CDIN1: variants seen among roughly 807,000 people sequenced by gnomAD.
The protein encoded by CDIN1 is CDAN1-interacting nuclease 1.
CDIN1 carries 33 observed loss-of-function variants against 45.3 expected under a neutral mutation model. The ratio of observed to expected loss-of-function variants is 0.73; its 90% CI spans 0.55 to 0.97. The LOEUF is 0.97. CDIN1 is among the 50% of genes least tolerant of loss of function. CDIN1 has a pLI of 0.00. For synonymous variants in CDIN1, 118 were observed against 124.4 expected (o/e 0.95, Z 0.34); for missense variants, 303 against 339.4 (o/e 0.89, Z 0.84).
intron 7 of CDIN1, among the ~76,000 whole-genome samples, chr15:36,693,466 T>A (rs1202344750): frequency 1.3e-5 from 2 of 152,210 alleles, no homozygotes; most frequent in Admixed American, 1.3e-4. Context: ...TGAGAAAGTT[T>A]AGCACATTCA....
At chr15:36,586,683 C>T (rs927354294) in intron 1 of CDIN1, among the ~76,000 whole-genome samples, 1 of 152,148 alleles carries the variant, frequency 6.6e-6, no homozygotes, top group African/African-American at 2.4e-5. Context: ...TTTGAAGTTA[C>T]AGTGCATTAT....
At chr15:36,774,494 A>G (rs1311694682) in intron 10 of CDIN1, among the ~76,000 whole-genome samples, 2 of 148,786 alleles carry the variant, frequency 1.3e-5, no homozygotes, top group Non-Finnish European at 3.0e-5. Flanking sequence ...TCATTTAGCA[A>G]AAAAAAAAAA....
intron 10 of CDIN1, among the ~76,000 whole-genome samples, chr15:36,791,763 T>C (rs955317808): frequency 6.6e-6 from 1 of 152,134 alleles, no homozygotes; most frequent in African/African-American, 2.4e-5. Context: ...CGATGTGTTT[T>C]AGCAGTGGTC....
intron 10 of CDIN1, among the ~76,000 whole-genome samples, chr15:36,765,775 G>A (rs776924233): frequency 6.6e-6 from 1 of 152,032 alleles, no homozygotes; most frequent in Non-Finnish European, 1.5e-5. Context: ...ATACAATTTG[G>A]TGAGTTTGGA....
At chr15:36,744,082 A>G (rs914304289) in intron 10 of CDIN1, among the ~76,000 whole-genome samples, 1 of 151,874 alleles carries the variant, frequency 6.6e-6, no homozygotes, top group Non-Finnish European at 1.5e-5. Flanking sequence ...CTGACTTTGC[A>G]AACATTTTTT....
chr15:36,644,760 A>G (rs564476864), intron 2 of CDIN1, among the ~76,000 whole-genome samples: 3 of 152,218 alleles, frequency 2.0e-5, no homozygotes, highest in Admixed American at 2.0e-4. Context: ...GCAAGTCTCT[A>G]TGGAATTACT....
At chr15:36,619,469 T>TTCTATCTA (rs58603040) in intron 1 of CDIN1, among the ~76,000 whole-genome samples, 3,528 of 147,122 alleles carry the variant, frequency 0.024, 39 homozygotes, top group East Asian at 0.026. Context: ...GCTGGAGGAT[T>TTCTATCTA]TCTATCTATC....
intron 5 of CDIN1, among the ~76,000 whole-genome samples, chr15:36,686,025 A>G (rs1050640592): frequency 5.4e-4 from 82 of 151,860 alleles, no homozygotes; most frequent in African/African-American, 1.7e-3. Context: ...ATCTAGAACT[A>G]GAAATACCAT....
At chr15:36,768,507 C>T (rs1174593136) in intron 10 of CDIN1, among the ~76,000 whole-genome samples, 1 of 151,258 alleles carries the variant, frequency 6.6e-6, no homozygotes, top group Non-Finnish European at 1.5e-5. Flanking sequence ...TAGCTTTTCC[C>T]CTTCAACTTC....
intron 10 of CDIN1, among the ~76,000 whole-genome samples, chr15:36,784,299 G>A (rs1042055238): frequency 6.6e-6 from 1 of 152,186 alleles, no homozygotes; most frequent in Admixed American, 6.5e-5. Flanking sequence ...GGGAGGAAGT[G>A]GAGGAGGATC....
At chr15:36,714,134 G>A (rs1484169036) in intron 10 of CDIN1, among the ~76,000 whole-genome samples, 1 of 152,128 alleles carries the variant, frequency 6.6e-6, no homozygotes, top group Non-Finnish European at 1.5e-5. Flanking sequence ...TCGAAGTATA[G>A]TGAGGAAAAT....
chr15:36,799,222 G>C (rs1317431999), intron 10 of CDIN1: 1 of 81,954 alleles, frequency 1.2e-5, no homozygotes, highest in African/African-American at 3.6e-5. Flanking sequence ...GTGTTCTCTC[G>C]TTTTAGTACT....
intron 10 of CDIN1, among the ~76,000 whole-genome samples, chr15:36,746,519 T>C (rs1268196961): frequency 6.6e-6 from 1 of 152,136 alleles, no homozygotes; most frequent in Non-Finnish European, 1.5e-5. Flanking sequence ...GTCCAACTTA[T>C]TTGCACCAGG....
chr15:36,727,147 G>A (rs991523604), intron 10 of CDIN1, among the ~76,000 whole-genome samples: 1 of 152,014 alleles, frequency 6.6e-6, no homozygotes. Flanking sequence ...CAAAGACCCA[G>A]CTGAAGCATT....
chr15:36,594,122 C>T (rs1285020095), intron 1 of CDIN1, among the ~76,000 whole-genome samples: 2 of 152,130 alleles, frequency 1.3e-5, no homozygotes, highest in Admixed American at 6.5e-5. Context: ...AGTAATTTTT[C>T]TCCTTTAGTT....
intron 10 of CDIN1, among the ~76,000 whole-genome samples, chr15:36,729,724 C>T (rs1463947086): frequency 6.6e-6 from 1 of 152,108 alleles, no homozygotes; most frequent in Non-Finnish European, 1.5e-5. Flanking sequence ...AGTTGTCCTT[C>T]CCCCACTATT....
intron 3 of CDIN1, among the ~76,000 whole-genome samples, chr15:36,649,700 T>A (rs929420597): frequency 2.6e-5 from 4 of 152,116 alleles, no homozygotes; most frequent in Admixed American, 2.6e-4. Context: ...TACAAACTAG[T>A]AAAGATGATA....
In CDIN1 at chr15:36,659,966, CT is replaced by C. The variant is rs778988517; in HGVS notation, c.346+2079del. Among the ~76,000 whole-genome samples, 833 of 105,108 alleles carry C rather than the reference CT, an allele frequency of 7.9e-3. 8 individuals carry two copies. Among genetic ancestry groups the C allele is most frequent in the African/African-American group, 0.028 (780 of 27,904 alleles). 69.0% of individuals were successfully genotyped at this position (105,108 alleles called of 152,430 possible). A position where few individuals can be genotyped will look rare whatever the true frequency, so the allele number is the denominator to read the frequency against. ...TCATTCTCTCTTTTTCCTTCCTTTTCTTTTTTTTTTTTTTTTTTCTTAAAGA... is the reference window on the plus strand; with the variant it reads ...TCATTCTCTCTTTTTCCTTCCTTTTCTTTTTTTTTTTTTTTTTCTTAAAGA... On this transcript the variant is annotated intron_variant, in intron 5 of 10. Transcript: ENST00000566621.
At chr15:36,759,154 A>G (rs2053688937) in intron 10 of CDIN1, among the ~76,000 whole-genome samples, 1 of 152,100 alleles carries the variant, frequency 6.6e-6, no homozygotes, top group Admixed American at 6.5e-5. Flanking sequence ...CGAGGGGTGC[A>G]GGACCCCAGC....
Sources: allele counts gnomAD v4.1 joint callset (sites outside exome capture counted in the v4.1 genomes callset), GRCh38; gene constraint gnomAD v4.1.1; transcripts MANE v1.5; gene names NCBI Gene and HGNC (gene_info 2026-07-23, HGNC 2026-07-21).